PHOX2B: variants seen among roughly 807,000 people sequenced by gnomAD.
PHOX2B encodes paired mesoderm homeobox protein 2B.
PHOX2B carries 1 observed loss-of-function variant against 15.5 expected under a neutral mutation model. That is an observed-to-expected ratio of 0.06 (90% CI 0.02 to 0.31). PHOX2B has a LOEUF of 0.31. PHOX2B is among the 10% of genes least tolerant of loss of function. The pLI, the probability that PHOX2B is intolerant of heterozygous loss-of-function variation, is 1.00. For missense variants in PHOX2B, 314 were observed against 436.4 expected, an observed-to-expected ratio of 0.72 and a Z score of 2.50; for synonymous variants, 206 against 190.5, an observed-to-expected ratio of 1.08 and a Z score of -0.67.
At position 41,745,753 on chromosome 4, in the gene PHOX2B, C is replaced by A; in HGVS notation, c.*54G>T. The A allele has an allele frequency of 6.4e-7, 1 of 1,567,952 alleles. No homozygotes were observed. The highest frequency in any genetic ancestry group is 8.6e-7 in the Non-Finnish European group (1 of 1,158,584). On this transcript the variant is annotated 3_prime_UTR_variant, in exon 3 of 3. Transcript: ENST00000226382. This position sits in a 1 kb window ranked among gnomAD's most constrained non-coding sequence, Gnocchi z 4.0. ...CTACCCGCTCGCCCACTCGCCCGCC[C>A]GGGCCCTGGCTCGCCCGCTGTCGCC...
chr4:41,747,585 C>T, intron 1 of PHOX2B, 49 bp from the exon 2 acceptor site: 1 of 1,514,138 alleles, frequency 6.6e-7, no homozygotes, highest in South Asian at 1.1e-5. Context: ...GCCGGCAGCT[C>T]GCCGGCCGTG....
At position 41,746,157 on chromosome 4, in the gene PHOX2B, C is replaced by T; in HGVS notation, c.595G>A (p.Gly199Ser). ...STDPDSTGGP[G>S]PNPNPTPSCG... ...CTGGGGGTGGGGTTGGGATTGGGAC[C>T]TGGGCCCCCAGTGCTGTCCGGGTCA... The change falls in exon 3 of 3, where the codon GGT becomes AGT. Residue 199 changes from glycine to serine, a missense_variant. Gly to Ser is a moderately conservative substitution (Grantham distance 56). Transcript: ENST00000226382. 6.2e-7 allele frequency: 1 copy of T among 1,612,542 alleles called. No homozygotes were observed. The highest frequency in any genetic ancestry group is 8.5e-7 in the Non-Finnish European group (1 of 1,179,766).
At position 41,748,684 on chromosome 4, in the gene PHOX2B, G is replaced by C; in HGVS notation, c.-74C>G. The C allele has an allele frequency of 2.1e-6, 3 of 1,421,044 alleles. No homozygotes were observed. The highest frequency in any genetic ancestry group is 3.0e-6 in the Non-Finnish European group (3 of 1,015,768). The allele number at this position is 1,421,044 out of a possible 1,614,324, so 88.0% of individuals were successfully genotyped here. ...TGGATATGGAGAAGGTGGCTGGAGT[G>C]GGGAGATGTGCACAGCTCAACGCCT... On this transcript the variant is annotated 5_prime_UTR_variant, in exon 1 of 3. Transcript: ENST00000226382.
intron 2 of PHOX2B, 50 bp from the exon 3 acceptor site, chr4:41,746,372 A>C: frequency 6.3e-7 from 1 of 1,591,328 alleles, no homozygotes; most frequent in South Asian, 1.1e-5. Flanking sequence ...GAAAGAAGAA[A>C]ATGGGAAAGA....
intron 1 of PHOX2B, 178 bp downstream of exon 1, chr4:41,748,192 C>A (rs1235370897): frequency 1.5e-6 from 1 of 682,964 alleles, no homozygotes; most frequent in Admixed American, 2.6e-5. Context: ...GATAGTGTAA[C>A]CCTGTAAGTG....
At chr4:41,746,475 C>T (rs1385828622) in intron 2 of PHOX2B, among the ~76,000 whole-genome samples, 153 bp from the exon 3 acceptor site, 2 of 152,176 alleles carry the variant, frequency 1.3e-5, no homozygotes, top group Non-Finnish European at 2.9e-5. Flanking sequence ...GCACATCCAC[C>T]AAGTCTACCG....
At position 41,747,593 on chromosome 4, in the gene PHOX2B, G is replaced by T. The variant is rs546000461; in HGVS notation, c.242-57C>A. 1.5e-5 allele frequency: 22 copies of T among 1,472,038 alleles called. No individual in the cohort carries two copies. In the South Asian group the frequency reaches 2.0e-4, roughly 14 times the overall value. 91.2% of individuals were successfully genotyped at this position (1,472,038 alleles called of 1,614,324 possible). A position where few individuals can be genotyped will look rare whatever the true frequency, so the allele number is the denominator to read the frequency against. ...CAAATCAGCCGGCAGCTCGCCGGCC[G>T]TGGAGCTAGAATGTGAGGACTCCAA... On this transcript the variant is annotated intron_variant, in intron 1 of 2. Coordinates refer to ENST00000226382, the MANE Select transcript of PHOX2B (RefSeq NM_003924.4).
rs1733846337 is a variant in PHOX2B at position 41,745,239 on chromosome 4, GCCC to G, written c.*565_*567del. On this transcript the variant is annotated 3_prime_UTR_variant, in exon 3 of 3. Coordinates refer to ENST00000226382, the MANE Select transcript of PHOX2B (RefSeq NM_003924.4). The surrounding 1 kb of genome is among the most constrained non-coding windows in gnomAD (Gnocchi z 4.0). The stretch of plus-strand genomic sequence containing the variant: ...AGCTCCAGCTGCAGCTTCTCCCCTA[GCCC>G]CTCCTTTAATTTGTCTTTTTTTTCC... 4.3e-6 allele frequency: 1 copy of G among 233,566 alleles called. No homozygotes were observed. Among genetic ancestry groups the G allele is most frequent in the Non-Finnish European group, 8.4e-6 (1 of 118,386 alleles). 14.5% of individuals were successfully genotyped at this position (233,566 alleles called of 1,614,324 possible).
chr4:41,747,956 AG>A (rs1423737055), intron 1 of PHOX2B, among the ~76,000 whole-genome samples: 2 of 117,058 alleles, frequency 1.7e-5, no homozygotes, highest in Non-Finnish European at 3.7e-5. Context: ...TGGGGGAAAG[AG>A]CTGCAAAAAA....
At chr4:41,746,456 C>T (rs1468448207) in intron 2 of PHOX2B, 134 bp from the exon 3 acceptor site, 29 of 821,566 alleles carry the variant, frequency 3.5e-5, no homozygotes, top group South Asian at 6.2e-5. Context: ...GCTGTGATCA[C>T]CCCCGCGCGC....
Position 41,748,364 on chromosome 4 carries a change from C to A in PHOX2B, c.241+6G>T, listed in dbSNP as rs776614949. ...TTCCTCCGCTGAGAAAGCTGAAGGT[C>A]CTTACCTGCGGCGTACGGACTGCTC... On this transcript the variant is annotated splice_donor_region_variant and intron_variant, in intron 1 of 2. Coordinates refer to ENST00000226382, the MANE Select transcript of PHOX2B (RefSeq NM_003924.4). 4 of 1,613,940 alleles carry A rather than the reference C, an allele frequency of 2.5e-6. No individual in the cohort carries two copies. The Admixed American group carries it at 6.7e-5, about 27-fold the overall frequency.
chr4:41,747,966 A>T (rs976739539), intron 1 of PHOX2B, among the ~76,000 whole-genome samples: 3 of 152,182 alleles, frequency 2.0e-5, no homozygotes, highest in African/African-American at 4.8e-5. Context: ...AGCTGCAAAA[A>T]AATAATAATA....
At position 41,744,356 on chromosome 4, in the gene PHOX2B, G is replaced by A. The variant is rs1560464926; in HGVS notation, c.*1451C>T. 2 of 229,166 alleles carry A rather than the reference G, an allele frequency of 8.7e-6. No individual in the cohort carries two copies. Among genetic ancestry groups the A allele is most frequent in the Non-Finnish European group, 8.7e-6 (1 of 115,462 alleles). 14.2% of individuals were successfully genotyped at this position (229,166 alleles called of 1,614,324 possible). On this transcript the variant is annotated 3_prime_UTR_variant, in exon 3 of 3. Transcript: ENST00000226382. ...TCTCTAAACACAAAAGATTGAACCC[G>A]TGAGAACCTTATTACACCATAAAGA...
At chr4:41,747,921 C>T (rs4608840) in intron 1 of PHOX2B, among the ~76,000 whole-genome samples, 55,533 of 151,902 alleles carry the variant, frequency 0.37, 11,700 homozygotes, top group African/African-American at 0.58. Context: ...TTTCAATTCT[C>T]AGAAAGTTGA....
rs754671744 is a variant in PHOX2B, at chr4:41,745,769, C to G, written c.*38G>C. 4 of 1,583,556 alleles carry G rather than the reference C, an allele frequency of 2.5e-6. No homozygotes were observed. The highest frequency in any genetic ancestry group is 2.6e-6 in the Non-Finnish European group (3 of 1,167,008). ...TCGCCCGCCCGGGCCCTGGCTCGCC[C>G]GCTGTCGCCGCCGCCGCCGCCGCCG... On this transcript the variant is annotated 3_prime_UTR_variant, in exon 3 of 3. Transcript: ENST00000226382. The surrounding 1 kb of genome is among the most constrained non-coding windows in gnomAD (Gnocchi z 4.0).
chr4:41,747,301 TC>T (rs761622789), intron 2 of PHOX2B, 47 bp downstream of exon 2: 7 of 1,514,558 alleles, frequency 4.6e-6, no homozygotes, highest in Non-Finnish European at 6.3e-6. Flanking sequence ...ACCCCACACC[TC>T]CCCGGACCAG....
At chr4:41,747,934 C>T (rs1397757966) in intron 1 of PHOX2B, among the ~76,000 whole-genome samples, 1 of 151,208 alleles carries the variant, frequency 6.6e-6, no homozygotes, top group Non-Finnish European at 1.5e-5. Context: ...AAAGTTGACC[C>T]GGCTCAAAAG....
chr4:41,747,631 C>T (rs764909425), intron 1 of PHOX2B, 95 bp from the exon 2 acceptor site: 1 of 1,020,662 alleles, frequency 9.8e-7, no homozygotes, highest in Non-Finnish European at 1.5e-6. Flanking sequence ...TCAGGTCATA[C>T]GGCAGCCGCT....
rs745503233 is a variant in PHOX2B, at chr4:41,745,070, G to A, written c.*737C>T. The A allele has an allele frequency of 4.2e-4, 98 of 233,158 alleles. No homozygotes were observed. The highest frequency in any genetic ancestry group is 7.7e-4 in the Non-Finnish European group (91 of 118,030). 14.4% of individuals were successfully genotyped at this position (233,158 alleles called of 1,614,324 possible). A position where few individuals can be genotyped will look rare whatever the true frequency, so the allele number is the denominator to read the frequency against. On this transcript the variant is annotated 3_prime_UTR_variant, in exon 3 of 3. Coordinates refer to ENST00000226382, the MANE Select transcript of PHOX2B (RefSeq NM_003924.4). This position sits in a 1 kb window ranked among gnomAD's most constrained non-coding sequence, Gnocchi z 4.0. ...CCGGCCGCCGGGACAGTCTGAGCAAGTCGTCGCCGCAGTGACCCGAACCCA... is the reference window on the plus strand; with the variant it reads ...CCGGCCGCCGGGACAGTCTGAGCAAATCGTCGCCGCAGTGACCCGAACCCA...
Sources: gnomAD v4.1 joint callset for allele counts (sites outside exome capture counted in the v4.1 genomes callset) on GRCh38, gnomAD v4.1.1 for gene constraint, Gnocchi (gnomAD v3.1) non-coding constraint, MANE v1.5 for transcripts, NCBI Gene and HGNC (gene_info 2026-07-23, HGNC 2026-07-21) for gene names.